Variants in SNX14 observed in about 807,000 individuals in gnomAD.
SNX14 encodes sorting nexin 14, also known as sorting nexin-14.
Under a neutral mutation model 133.8 loss-of-function variants are expected in SNX14, and 93 were observed. The observed-to-expected ratio is 0.70, with a 90% CI of 0.59 to 0.83. The LOEUF (loss-of-function observed/expected upper bound fraction) is 0.83. SNX14 is among the 40% of genes least tolerant of loss of function. The probability of loss-of-function intolerance (pLI) is 0.00; values close to 1 mark genes in which losing one functional copy is unlikely to be tolerated. For missense variants in SNX14, 945 were observed against 1,094.9 expected, an observed-to-expected ratio of 0.86 and a Z score of 1.93; for synonymous variants, 368 against 365.6, an observed-to-expected ratio of 1.01 and a Z score of -0.07.
At chr6:85,525,381 A>C (rs1778205062) in intron 21 of SNX14, among the ~76,000 whole-genome samples, 2 of 152,200 alleles carry the variant, frequency 1.3e-5, no homozygotes, top group South Asian at 4.1e-4. Context: ...AAGATCAAGA[A>C]ACTAAATTAT....
rs575807362 is a variant in SNX14, at chr6:85,553,537, C to CA, written c.635-3659dup. Among the ~76,000 whole-genome samples the CA allele has an allele frequency of 2.4e-4, 37 of 152,280 alleles. No homozygotes were observed. In the South Asian group the frequency reaches 5.8e-3, roughly 24 times the overall value. On this transcript the variant is annotated intron_variant, in intron 7 of 28. Coordinates refer to ENST00000314673, the MANE Select transcript of SNX14 (RefSeq NM_153816.6). ...CCGTGGCTCACGCCTGTAATCCCAG[C>CA]ACCTTAGGAGGCCGAGGCGGACGGA...
intron 1 of SNX14, among the ~76,000 whole-genome samples, chr6:85,588,658 G>A (rs570689870): frequency 2.6e-5 from 4 of 152,124 alleles, no homozygotes; most frequent in South Asian, 2.1e-4. Flanking sequence ...TGGTCTCCCC[G>A]CAGTCAACAA....
At chr6:85,507,943 G>A (rs1465568532) in intron 27 of SNX14, 25 bp downstream of exon 27, 5 of 1,600,778 alleles carry the variant, frequency 3.1e-6, no homozygotes, top group Non-Finnish European at 4.3e-6. Flanking sequence ...GCCAGCATGA[G>A]TTTACGAGCT....
intron 26 of SNX14, among the ~76,000 whole-genome samples, chr6:85,511,816 C>T (rs766476384): frequency 4.6e-5 from 7 of 152,188 alleles, no homozygotes; most frequent in Non-Finnish European, 1.0e-4. Flanking sequence ...TGCTCTTTCT[C>T]GTCAAACTGT....
chr6:85,522,486 C>G (rs1252855387), intron 21 of SNX14, among the ~76,000 whole-genome samples: 1 of 152,180 alleles, frequency 6.6e-6, no homozygotes, highest in Non-Finnish European at 1.5e-5. Flanking sequence ...TACATCTTTA[C>G]AATATTGCGG....
Position 85,547,194 on chromosome 6 carries a change from C to T in SNX14, c.1026G>A (p.Glu342=), listed in dbSNP as rs747621995. The change falls in exon 12 of 29, where the codon GAG becomes GAA. Residue 342 remains glutamate (E), a synonymous_variant. Coordinates refer to ENST00000314673, the MANE Select transcript of SNX14 (RefSeq NM_153816.6). The part of the protein sequence containing the change: ...VLKLELKQIR[E]QQDLLFRFMN... ...TAAAACGAAATAAAAGATCTTGTTGCTCTCTGATTTGCTTCAATTCTAACT... is the reference window on the plus strand; with the variant it reads ...TAAAACGAAATAAAAGATCTTGTTGTTCTCTGATTTGCTTCAATTCTAACT... The T allele has an allele frequency of 5.6e-6, 9 of 1,614,002 alleles. No homozygotes were observed. The highest frequency in any genetic ancestry group is 4.5e-5 in the East Asian group (2 of 44,848).
intron 1 of SNX14, among the ~76,000 whole-genome samples, chr6:85,575,393 G>A (rs1053545142): frequency 2.0e-5 from 3 of 152,168 alleles, no homozygotes; most frequent in Non-Finnish European, 2.9e-5. Flanking sequence ...AATAACAGAT[G>A]TGCATCATGA....
chr6:85,549,805 G>A lies in SNX14; in HGVS notation c.709C>T (p.Arg237Ter), dbSNP rs780440765. The A allele has an allele frequency of 1.2e-6, 2 of 1,613,866 alleles. No homozygotes were observed. Among genetic ancestry groups the A allele is most frequent in the Non-Finnish European group, 1.7e-6 (2 of 1,179,868 alleles). ...CTTAAATAGTGCAATTCATCTCTTC[G>A]ACTTCTCAAAGCAACATGAAGCTCT... is the stretch of plus-strand genomic sequence containing the variant. ...GPELHVALRSRRDELHYLRKL... is the reference protein window; with the variant it reads ...GPELHVALRS Residue 237 changes from arginine to a stop codon, truncating the protein, a stop_gained, in exon 8 of 29, where the codon CGA becomes TGA. Coordinates refer to ENST00000314673, the MANE Select transcript of SNX14 (RefSeq NM_153816.6). LOFTEE classifies it high-confidence loss of function.
At chr6:85,563,636 G>C (rs897079169) in intron 6 of SNX14, among the ~76,000 whole-genome samples, 4 of 152,000 alleles carry the variant, frequency 2.6e-5, no homozygotes, top group Non-Finnish European at 5.9e-5. Context: ...CGAGTGGTCC[G>C]CCCACCTAGG....
chr6:85,565,517 A>C, intron 5 of SNX14, 98 bp from the exon 6 acceptor site: 1 of 749,088 alleles, frequency 1.3e-6, no homozygotes, highest in Non-Finnish European at 2.2e-6. Flanking sequence ...TGTTTACTTA[A>C]GCTACTTTCT....
intron 2 of SNX14, among the ~76,000 whole-genome samples, chr6:85,573,493 G>A (rs1488389786): frequency 6.6e-6 from 1 of 151,858 alleles, no homozygotes; most frequent in African/African-American, 2.4e-5. Context: ...AAAATAAAAA[G>A]GAAAAGGAAA....
chr6:85,567,200 A>G (rs1383892509), intron 5 of SNX14, among the ~76,000 whole-genome samples: 1 of 152,002 alleles, frequency 6.6e-6, no homozygotes, highest in Non-Finnish European at 1.5e-5. Flanking sequence ...CTTTACTATC[A>G]CCAAATTATT....
intron 1 of SNX14, among the ~76,000 whole-genome samples, chr6:85,579,754 T>A (rs907474061): frequency 1.2e-4 from 19 of 152,178 alleles, no homozygotes; most frequent in Non-Finnish European, 2.4e-4. Flanking sequence ...GTTTCAGCAA[T>A]CCTTGACACC....
intron 6 of SNX14, among the ~76,000 whole-genome samples, chr6:85,558,510 A>G (rs899259162): frequency 1.8e-4 from 27 of 152,192 alleles, no homozygotes; most frequent in Non-Finnish European, 3.4e-4. Flanking sequence ...GCAGCTGCCC[A>G]GCCTGGAGAG....
rs547888231 is a variant in SNX14, at chr6:85,509,702, T to A, written c.2654-1643A>T. On this transcript the variant is annotated intron_variant, in intron 26 of 28. Coordinates refer to ENST00000314673, the MANE Select transcript of SNX14 (RefSeq NM_153816.6). ...TATTACCCAGAGTCCATAATTTACA[T>A]TGGAGTTCGTTCTTGGTGTTGTACG... Among the ~76,000 whole-genome samples, 40 of 152,238 alleles carry A rather than the reference T, an allele frequency of 2.6e-4. 1 individual carries two copies. In the South Asian group the frequency reaches 8.1e-3, roughly 31 times the overall value.
intron 21 of SNX14, among the ~76,000 whole-genome samples, chr6:85,519,257 T>C (rs1469734095): frequency 6.6e-6 from 1 of 152,220 alleles, no homozygotes; most frequent in African/African-American, 2.4e-5. Context: ...GGTGTGGGTA[T>C]AGACAGAAGC....
chr6:85,570,398 C>T (rs910973605), intron 4 of SNX14, among the ~76,000 whole-genome samples: 3 of 152,132 alleles, frequency 2.0e-5, no homozygotes, highest in South Asian at 2.1e-4. Flanking sequence ...ACCTCAACTT[C>T]GCACTCTCCA....
intron 23 of SNX14, among the ~76,000 whole-genome samples, chr6:85,516,174 C>A (rs1439617808): frequency 6.6e-6 from 1 of 152,152 alleles, no homozygotes; most frequent in Non-Finnish European, 1.5e-5. Flanking sequence ...ACAATTTCAT[C>A]TGCTGCAAAA....
chr6:85,580,738 G>C (rs1035962775), intron 1 of SNX14, among the ~76,000 whole-genome samples: 3 of 152,190 alleles, frequency 2.0e-5, no homozygotes, highest in Non-Finnish European at 4.4e-5. Flanking sequence ...TGGGCTTATG[G>C]TGGTAGTTGA....
Sources: gnomAD v4.1 joint callset for allele counts (sites outside exome capture counted in the v4.1 genomes callset) on GRCh38, gnomAD v4.1.1 for gene constraint, MANE v1.5 for transcripts, NCBI Gene and HGNC (gene_info 2026-07-23, HGNC 2026-07-21) for gene names.